The following GRTP1 variants were observed in gnomAD, a reference collection of about 807,000 sequenced individuals.
GRTP1 encodes growth hormone-regulated TBC protein 1.
In GRTP1, 56 loss-of-function variants were observed where a neutral mutation model predicts 38.1. The observed-to-expected ratio is 1.47, with a 90% CI of 1.19 to 1.84. The LOEUF (loss-of-function observed/expected upper bound fraction) is 1.84. Among genes scored for constraint, GRTP1 ranks in the 40% most tolerant of loss-of-function variants. The probability of loss-of-function intolerance (pLI) is 0.00; values close to 1 mark genes in which losing one functional copy is unlikely to be tolerated. For synonymous variants in GRTP1, 217 were observed against 189.5 expected, an observed-to-expected ratio of 1.14 and a Z score of -1.19; for missense variants, 506 against 453.9, an observed-to-expected ratio of 1.11 and a Z score of -1.04.
chr13:113,354,187 C>T (rs753112043), intron 3 of GRTP1, among the ~76,000 whole-genome samples: 1 of 152,238 alleles, frequency 6.6e-6, no homozygotes, highest in Admixed American at 6.5e-5. Context: ...AAGCTCTCCT[C>T]TTCCCACCCT....
At chr13:113,354,686 G>A (rs1272775998) in intron 3 of GRTP1, among the ~76,000 whole-genome samples, 2 of 152,050 alleles carry the variant, frequency 1.3e-5, no homozygotes, top group Non-Finnish European at 2.9e-5. Context: ...GCGCCACCAC[G>A]CCCGGCTATT....
chr13:113,350,456 C>T (rs1182201969), intron 4 of GRTP1, among the ~76,000 whole-genome samples: 3 of 129,616 alleles, frequency 2.3e-5, no homozygotes, highest in Non-Finnish European at 4.9e-5. Flanking sequence ...CCACAGCGCA[C>T]GCACCCACAG....
chr13:113,344,660 C>T (rs1410319626), intron 5 of GRTP1, among the ~76,000 whole-genome samples: 1 of 134,652 alleles, frequency 7.4e-6, no homozygotes, highest in Non-Finnish European at 1.5e-5. Flanking sequence ...TTCCAGTCAG[C>T]CAAGATCACA....
At chr13:113,346,050 G>A (rs9577514) in intron 4 of GRTP1, among the ~76,000 whole-genome samples, 3,203 of 12,386 alleles carry the variant, frequency 0.26, 1,033 homozygotes, top group Non-Finnish European at 0.45. Flanking sequence ...GTGGCCGAGA[G>A]CAGACCCGGG....
intron 7 of GRTP1, chr13:113,325,015 A>G: frequency 4.4e-6 from 3 of 687,820 alleles, no homozygotes; most frequent in Non-Finnish European, 5.4e-6. Context: ...TTTTTAGTAG[A>G]GACGGGGTTT....
chr13:113,325,866 C>A lies in GRTP1; in HGVS notation c.736-20G>T. On this transcript the variant is annotated intron_variant, in intron 6 of 7. Coordinates refer to ENST00000375431, the MANE Select transcript of GRTP1 (RefSeq NM_024719.4). Reference sequence around the variant, plus strand: ...CACTGTCTGCAGAGACATGGGAACCCGGTGTCACTCCCTGGCGGCCCGCCC... The same window carrying A: ...CACTGTCTGCAGAGACATGGGAACCAGGTGTCACTCCCTGGCGGCCCGCCC... 1 of 1,613,822 alleles carries A rather than the reference C, an allele frequency of 6.2e-7. No homozygotes were observed.
At chr13:113,326,227 G>A in intron 5 of GRTP1, 136 bp from the exon 6 acceptor site, 2 of 1,081,658 alleles carry the variant, frequency 1.8e-6, no homozygotes, top group Non-Finnish European at 2.6e-6. Context: ...AAGTTGGAGA[G>A]GAAGAGTCGG....
At chr13:113,325,568 C>T in intron 7 of GRTP1, 93 bp downstream of exon 7, 1 of 1,601,014 alleles carries the variant, frequency 6.2e-7, no homozygotes, top group Non-Finnish European at 8.5e-7. Flanking sequence ...GGTGCCCGTC[C>T]TGTGCACCCT....
rs776310719 is a variant in GRTP1, at chr13:113,355,428, T to G, written c.235A>C (p.Met79Leu). ...VPLEHRARVW[M>L]VLSGAQAQMD... The stretch of plus-strand genomic sequence containing the variant: ...TGCGCCTGGGCCCCACTCAGCACCA[T>G]CCAGACGCGGGCACGGTGCTCCAGC... The change falls in exon 3 of 8, where the codon ATG becomes CTG. Residue 79 changes from methionine to leucine, a missense_variant. Met to Leu is a conservative substitution (Grantham distance 15). Coordinates refer to ENST00000375431, the MANE Select transcript of GRTP1 (RefSeq NM_024719.4). The G allele has an allele frequency of 6.2e-7, 1 of 1,613,990 alleles. No individual in the cohort carries two copies. The highest frequency in any genetic ancestry group is 1.1e-5 in the South Asian group (1 of 91,082).
At chr13:113,351,305 T>C (rs927730946) in intron 3 of GRTP1, among the ~76,000 whole-genome samples, 12 of 152,184 alleles carry the variant, frequency 7.9e-5, no homozygotes, top group East Asian at 1.9e-4. Flanking sequence ...CTCCTGCACC[T>C]CGGACCTCGC....
intron 2 of GRTP1, among the ~76,000 whole-genome samples, chr13:113,363,527 C>G (rs2043538794): frequency 1.3e-5 from 2 of 152,148 alleles, no homozygotes; most frequent in African/African-American, 2.4e-5. Flanking sequence ...TGATCCATCC[C>G]GATATGGCTC....
intron 5 of GRTP1, among the ~76,000 whole-genome samples, chr13:113,337,508 A>G (rs9577511): frequency 0.15 from 22,948 of 152,152 alleles, 1,878 homozygotes; most frequent in East Asian, 0.27. Flanking sequence ...TCCCTAATAT[A>G]TAGAGTTCTT....
In GRTP1 at chr13:113,346,044, C is replaced by A. The variant is rs1337944266; in HGVS notation, c.466-1085G>T. Among the ~76,000 whole-genome samples, 13 of 80,654 alleles carry A rather than the reference C, an allele frequency of 1.6e-4. 1 individual carries two copies. Among genetic ancestry groups the A allele is most frequent in the African/African-American group, 5.6e-4 (12 of 21,248 alleles). The allele number at this position is 80,654 out of a possible 152,430, so 52.9% of individuals were successfully genotyped here. On this transcript the variant is annotated intron_variant, in intron 4 of 7. Coordinates refer to ENST00000375431, the MANE Select transcript of GRTP1 (RefSeq NM_024719.4). ...AGCAGACCTGGGAAGACATCTGTGG[C>A]CGAGAGCAGACCCGGGAGGACCTCT...
intron 5 of GRTP1, among the ~76,000 whole-genome samples, chr13:113,340,673 A>G (rs1036983275): frequency 3.3e-5 from 5 of 151,930 alleles, no homozygotes; most frequent in South Asian, 2.1e-4. Context: ...CCAGCTACTC[A>G]GGAGGCTGAG....
rs1466477219 is a variant in GRTP1, at chr13:113,349,970, C to T, written c.465+879G>A. Among the ~76,000 whole-genome samples, 8 of 152,258 alleles carry T rather than the reference C, an allele frequency of 5.3e-5. No homozygotes were observed. Among genetic ancestry groups the T allele is most frequent in the Admixed American group, 5.2e-4 (8 of 15,294 alleles). ...CCCTAGGAGCCCGTGAAGCACATGG[C>T]CTAAAATGCCAGGAACGCACTCTCC... is the stretch of plus-strand genomic sequence containing the variant. On this transcript the variant is annotated intron_variant, in intron 4 of 7. Coordinates refer to ENST00000375431, the MANE Select transcript of GRTP1 (RefSeq NM_024719.4). This position sits in a 1 kb window ranked among gnomAD's most constrained non-coding sequence, Gnocchi z 5.0.
intron 5 of GRTP1, among the ~76,000 whole-genome samples, chr13:113,337,000 T>A (rs1189517989): frequency 6.6e-6 from 1 of 152,190 alleles, no homozygotes; most frequent in Non-Finnish European, 1.5e-5. Flanking sequence ...ACATGTCAAC[T>A]AAACAAACTG....
In GRTP1 at chr13:113,343,273, C is replaced by T. The variant is rs1237578015; in HGVS notation, c.562+1590G>A. ...CATTCCACCTGGTCCAGGTGTTCACCGAACTGAGCTGAGACAGCCGGCATC... is the reference window on the plus strand; with the variant it reads ...CATTCCACCTGGTCCAGGTGTTCACTGAACTGAGCTGAGACAGCCGGCATC... On this transcript the variant is annotated intron_variant, in intron 5 of 7. Transcript: ENST00000375431. This position sits in a 1 kb window ranked among gnomAD's most constrained non-coding sequence, Gnocchi z 4.8. Among the ~76,000 whole-genome samples the T allele has an allele frequency of 2.0e-5, 3 of 152,088 alleles. No individual in the cohort carries two copies. Among genetic ancestry groups the T allele is most frequent in the Non-Finnish European group, 2.9e-5 (2 of 68,018 alleles).
chr13:113,355,234 C>T, intron 3 of GRTP1, 89 bp downstream of exon 3: 1 of 1,398,852 alleles, frequency 7.1e-7, no homozygotes. Context: ...GCACCGCTCA[C>T]CCCTGGACGC....
At chr13:113,332,179 G>C (rs901989146) in intron 5 of GRTP1, among the ~76,000 whole-genome samples, 1 of 151,822 alleles carries the variant, frequency 6.6e-6, no homozygotes, top group African/African-American at 2.4e-5. Context: ...TTCCCTGACT[G>C]TGAACATTTC....
Sources: allele counts gnomAD v4.1 joint callset (sites outside exome capture counted in the v4.1 genomes callset), GRCh38; gene constraint gnomAD v4.1.1; non-coding constraint Gnocchi (gnomAD v3.1); transcripts MANE v1.5; gene names NCBI Gene and HGNC (gene_info 2026-07-23, HGNC 2026-07-21).